Variants in CALN1 observed in about 807,000 individuals in gnomAD.
The protein encoded by CALN1 is calneuron 1.
In CALN1, 17 loss-of-function variants were observed where a neutral mutation model predicts 30.6. The ratio of observed to expected loss-of-function variants is 0.56; its 90% CI spans 0.38 to 0.83. The LOEUF (loss-of-function observed/expected upper bound fraction) is 0.83, where lower values mean the gene tolerates loss of function less well. CALN1 is among the 40% of genes least tolerant of loss of function. The pLI is 0.00. For missense variants in CALN1, 291 were observed against 354.9 expected, an observed-to-expected ratio of 0.82 and a Z score of 1.45; for synonymous variants, 156 against 131.4, an observed-to-expected ratio of 1.19 and a Z score of -1.28.
chr7:72,115,096 A>G (rs1335785935), intron 3 of CALN1, among the ~76,000 whole-genome samples: 1 of 147,884 alleles, frequency 6.8e-6, no homozygotes, highest in Non-Finnish European at 1.5e-5. Context: ...ACATTATACT[A>G]TATATATAGT....
chr7:72,360,986 A>G (rs984290714), intron 2 of CALN1, among the ~76,000 whole-genome samples: 3 of 152,008 alleles, frequency 2.0e-5, no homozygotes, highest in Admixed American at 1.3e-4. Flanking sequence ...CTTGGGCTCC[A>G]AAAGTGCTGG....
At chr7:71,904,855 T>C (rs1044411482) in intron 5 of CALN1, among the ~76,000 whole-genome samples, 1 of 152,104 alleles carries the variant, frequency 6.6e-6, no homozygotes, top group Non-Finnish European at 1.5e-5. Flanking sequence ...ATGAGAAGAG[T>C]TCATATTTCT....
At chr7:72,455,598 T>C in the CALN1 span, among the ~76,000 whole-genome samples, 1 of 151,856 alleles carries the variant, frequency 6.6e-6, no homozygotes, top group Non-Finnish European at 1.5e-5. Flanking sequence ...AAATGTACAG[T>C]ACAGCCCCTG....
At chr7:71,987,335 G>C (rs1562958089) in intron 5 of CALN1, among the ~76,000 whole-genome samples, 1 of 152,226 alleles carries the variant, frequency 6.6e-6, no homozygotes, top group Non-Finnish European at 1.5e-5. Flanking sequence ...AGGGGCCCGT[G>C]TGCTATTTCA....
chr7:72,270,859 A>G (rs1384340568), intron 3 of CALN1, among the ~76,000 whole-genome samples: 1 of 152,226 alleles, frequency 6.6e-6, no homozygotes, highest in African/African-American at 2.4e-5. Flanking sequence ...ATGGTATCGA[A>G]CTGAACTGAC....
chr7:72,351,614 G>A (rs62459282), intron 2 of CALN1, among the ~76,000 whole-genome samples: 1 of 152,162 alleles, frequency 6.6e-6, no homozygotes, highest in Non-Finnish European at 1.5e-5. Context: ...TATCCATGAA[G>A]TGGTATAGTA....
At chr7:72,101,944 G>C (rs1806698379) in intron 4 of CALN1, among the ~76,000 whole-genome samples, 1 of 152,154 alleles carries the variant, frequency 6.6e-6, no homozygotes, top group African/African-American at 2.4e-5. Context: ...CTTTATCTAA[G>C]GCAGGATCTA....
intron 3 of CALN1, among the ~76,000 whole-genome samples, chr7:72,169,799 C>T (rs900179926): frequency 2.0e-5 from 3 of 151,612 alleles, no homozygotes; most frequent in Admixed American, 6.6e-5. Flanking sequence ...AAGCAATTCT[C>T]CCTGCCTCAG....
At chr7:72,383,414 C>T (rs1266478414) in intron 2 of CALN1, among the ~76,000 whole-genome samples, 2 of 152,108 alleles carry the variant, frequency 1.3e-5, no homozygotes, top group Admixed American at 1.3e-4. Context: ...TCTGCAGCCT[C>T]ATCAGCATGT....
chr7:72,223,996 T>C (rs1361076621), intron 3 of CALN1, among the ~76,000 whole-genome samples: 1 of 152,056 alleles, frequency 6.6e-6, no homozygotes, highest in Non-Finnish European at 1.5e-5. Context: ...TGGGGACTAC[T>C]AGAGGGAGGA....
chr7:72,396,562 G>C (rs1362815795), intron 2 of CALN1, among the ~76,000 whole-genome samples: 1 of 152,190 alleles, frequency 6.6e-6, no homozygotes, highest in Non-Finnish European at 1.5e-5. Context: ...CAGTGTGTCG[G>C]GGAAGAGATA....
intron 4 of CALN1, among the ~76,000 whole-genome samples, chr7:72,102,093 G>A (rs1584944635): frequency 6.6e-6 from 1 of 152,070 alleles, no homozygotes; most frequent in Admixed American, 6.6e-5. Context: ...ACAATGGCAC[G>A]ATCTTGGCTC....
rs545600729 is a variant in CALN1 at position 71,816,863 on chromosome 7, G to A, written c.502-6371C>T. On this transcript the variant is annotated intron_variant, in intron 5 of 6. Coordinates refer to ENST00000395275, the MANE Select transcript of CALN1 (RefSeq NM_031468.4). ...CATTCCTGTAATCCCAGCTACTCAGGAGGCTGAGGCAGGAGAATCACTTGA... is the reference window on the plus strand; with the variant it reads ...CATTCCTGTAATCCCAGCTACTCAGAAGGCTGAGGCAGGAGAATCACTTGA... Among the ~76,000 whole-genome samples the A allele has an allele frequency of 9.9e-4, 151 of 152,244 alleles. No homozygotes were observed. In the Middle Eastern group the frequency reaches 0.01, roughly 10 times the overall value.
At chr7:71,869,443 C>A (rs1480448712) in intron 5 of CALN1, among the ~76,000 whole-genome samples, 1 of 152,142 alleles carries the variant, frequency 6.6e-6, no homozygotes, top group Non-Finnish European at 1.5e-5. Flanking sequence ...AACTCCTGAC[C>A]TCAGGTGATC....
chr7:72,213,980 CCTTGGT>C (rs562731559), intron 3 of CALN1, among the ~76,000 whole-genome samples: 179 of 152,190 alleles, frequency 1.2e-3, no homozygotes, highest in African/African-American at 4.1e-3. Context: ...TGCAGTGAGC[CCTTGGT>C]CTAGGCAGGG....
intron 3 of CALN1, among the ~76,000 whole-genome samples, chr7:72,131,837 T>G (rs530805630): frequency 5.4e-4 from 82 of 152,292 alleles, no homozygotes; most frequent in African/African-American, 1.9e-3. Flanking sequence ...TCCAAAACCC[T>G]AACTCCATTA....
At chr7:72,355,993 G>C (rs1803197780) in intron 2 of CALN1, among the ~76,000 whole-genome samples, 1 of 152,160 alleles carries the variant, frequency 6.6e-6, no homozygotes, top group Non-Finnish European at 1.5e-5. Flanking sequence ...AATTATGGTT[G>C]TACAAAAGGA....
At chr7:71,877,661 A>G (rs766191467) in intron 5 of CALN1, among the ~76,000 whole-genome samples, 3 of 151,582 alleles carry the variant, frequency 2.0e-5, no homozygotes, top group Non-Finnish European at 4.4e-5. Context: ...TGGAGAAATA[A>G]AAAGACATTT....
chr7:72,038,978 C>T (rs1368405649), intron 4 of CALN1, among the ~76,000 whole-genome samples: 1 of 152,184 alleles, frequency 6.6e-6, no homozygotes, highest in Admixed American at 6.5e-5. Context: ...TTTCACTTTA[C>T]TCTATGGACT....
Sources: allele counts gnomAD v4.1 joint callset (sites outside exome capture counted in the v4.1 genomes callset), GRCh38; gene constraint gnomAD v4.1.1; transcripts MANE v1.5; gene names NCBI Gene and HGNC (gene_info 2026-07-23, HGNC 2026-07-21).